Variants in RAB38 observed in about 807,000 individuals in gnomAD.
RAB38 encodes the protein RAB38, member RAS oncogene family.
A neutral mutation model predicts 18.4 loss-of-function variants in RAB38; 15 were observed. The ratio of observed to expected loss-of-function variants is 0.82; its 90% CI spans 0.55 to 1.26. RAB38 has a LOEUF of 1.26. Among genes scored for constraint, RAB38 ranks in the 50% most tolerant of loss-of-function variants. The pLI is 0.00. For synonymous variants in RAB38, 101 were observed against 104.4 expected (o/e 0.97, Z 0.20); for missense variants, 294 against 267.4 (o/e 1.10, Z -0.69).
chr11:88,110,799 G>A (rs181134582), downstream of RAB38, among the ~76,000 whole-genome samples: 8 of 147,254 alleles, frequency 5.4e-5, no homozygotes, highest in East Asian at 1.6e-3. Flanking sequence ...GGGCAATACA[G>A]TGAGACTCCA....
At chr11:87,874,564 G>T in the RAB38 span, among the ~76,000 whole-genome samples, 8 of 150,772 alleles carry the variant, frequency 5.3e-5, no homozygotes, top group Non-Finnish European at 7.4e-5. Flanking sequence ...TGAGTTAATG[G>T]GTGCAGCACA....
downstream of RAB38, among the ~76,000 whole-genome samples, chr11:88,110,328 C>A (rs926822450): frequency 6.6e-6 from 1 of 151,858 alleles, no homozygotes; most frequent in Non-Finnish European, 1.5e-5. Context: ...ACAATGAGAA[C>A]ACATGGACAC....
the RAB38 span, among the ~76,000 whole-genome samples, chr11:87,819,692 G>A: frequency 2.3e-3 from 321 of 141,516 alleles, 3 homozygotes; most frequent in South Asian, 0.012. Flanking sequence ...ATATATATAT[G>A]TGTGTGTGTG....
chr11:88,072,737 G>C, the RAB38 span, among the ~76,000 whole-genome samples: 1 of 151,896 alleles, frequency 6.6e-6, no homozygotes, highest in Non-Finnish European at 1.5e-5. Context: ...AATTATAGCA[G>C]TATACACTTA....
At chr11:87,842,487 C>T in the RAB38 span, among the ~76,000 whole-genome samples, 1 of 152,008 alleles carries the variant, frequency 6.6e-6, no homozygotes, top group Non-Finnish European at 1.5e-5. Context: ...CGGAGAGGGG[C>T]CTTCGTTGTA....
chr11:87,854,671 A>C, the RAB38 span, among the ~76,000 whole-genome samples: 4 of 152,286 alleles, frequency 2.6e-5, no homozygotes, highest in South Asian at 6.2e-4. Flanking sequence ...AGAATTAATA[A>C]AAATGTTTAA....
chr11:87,921,833 T>C, the RAB38 span, among the ~76,000 whole-genome samples: 1 of 151,670 alleles, frequency 6.6e-6, no homozygotes, highest in Admixed American at 6.6e-5. Context: ...TCAACAAAAC[T>C]GTAAGTCCCA....
chr11:88,013,573 C>T, the RAB38 span, among the ~76,000 whole-genome samples: 11,465 of 152,088 alleles, frequency 0.075, 502 homozygotes, highest in East Asian at 0.17. Context: ...GAGATTTATG[C>T]TTGCCTGAAA....
chr11:88,091,146 C>A, the RAB38 span, among the ~76,000 whole-genome samples: 1 of 151,950 alleles, frequency 6.6e-6, no homozygotes, highest in Admixed American at 6.6e-5. Context: ...GACCACCTAG[C>A]CAGAAGTTTT....
the RAB38 span, among the ~76,000 whole-genome samples, chr11:87,850,691 G>GGA: frequency 6.7e-5 from 10 of 149,770 alleles, no homozygotes; most frequent in Middle Eastern, 3.4e-3. Flanking sequence ...TAGCTTTTGG[G>GGA]GGGATCCAAT....
chr11:87,890,453 C>A, the RAB38 span, among the ~76,000 whole-genome samples: 5 of 151,978 alleles, frequency 3.3e-5, no homozygotes, highest in Non-Finnish European at 7.4e-5. Context: ...CATCCCTCAC[C>A]TGCCAGAGTG....
intron 1 of RAB38, chr11:88,166,770 A>G (rs1943250432): frequency 6.6e-6 from 1 of 152,108 alleles, no homozygotes; most frequent in Non-Finnish European, 1.5e-5. Flanking sequence ...AAAAAAATAG[A>G]ATGTCTCCTT....
chr11:87,829,773 ACT>A, the RAB38 span, among the ~76,000 whole-genome samples: 6 of 152,160 alleles, frequency 3.9e-5, no homozygotes, highest in African/African-American at 7.2e-5. Flanking sequence ...ATAGGAGGTA[ACT>A]CTCAGCAGTG....
At chr11:87,842,225 T>C in the RAB38 span, among the ~76,000 whole-genome samples, 1 of 152,138 alleles carries the variant, frequency 6.6e-6, no homozygotes, top group Non-Finnish European at 1.5e-5. Context: ...GAAGATGACA[T>C]GGAAGGCCAC....
chr11:88,161,660 A>G (rs1318442792), intron 1 of RAB38, among the ~76,000 whole-genome samples: 1 of 152,082 alleles, frequency 6.6e-6, no homozygotes, highest in East Asian at 1.9e-4. Context: ...CTTATCATGT[A>G]TTTGTGAATT....
At chr11:87,975,391 G>A in the RAB38 span, among the ~76,000 whole-genome samples, 3 of 151,976 alleles carry the variant, frequency 2.0e-5, 1 homozygote, top group Middle Eastern at 0.01. Context: ...TTCAGGTAAC[G>A]AAGCTGAAAT....
At chr11:87,886,497 G>A in the RAB38 span, among the ~76,000 whole-genome samples, 1 of 151,854 alleles carries the variant, frequency 6.6e-6, no homozygotes, top group Non-Finnish European at 1.5e-5. Flanking sequence ...TGCTGCAAAC[G>A]GGATTGTTTT....
chr11:87,938,308 T>A, the RAB38 span, among the ~76,000 whole-genome samples: 1 of 152,192 alleles, frequency 6.6e-6, no homozygotes, highest in Non-Finnish European at 1.5e-5. Context: ...TTTGACACCA[T>A]CTTGGTGTGA....
At chr11:88,156,309 C>T (rs1187887807) in intron 1 of RAB38, among the ~76,000 whole-genome samples, 1 of 152,104 alleles carries the variant, frequency 6.6e-6, no homozygotes, top group Admixed American at 6.5e-5. Flanking sequence ...AAAGGAAACC[C>T]CATTTGGCTA....
Sources: gnomAD v4.1 joint callset for allele counts (sites outside exome capture counted in the v4.1 genomes callset) on GRCh38, gnomAD v4.1.1 for gene constraint, MANE v1.5 for transcripts, NCBI Gene and HGNC (gene_info 2026-07-23, HGNC 2026-07-21) for gene names.